FAIM2: variants seen among roughly 807,000 people sequenced by gnomAD.
FAIM2 encodes Fas apoptotic inhibitory molecule 2, also known as protein lifeguard 2.
Under a neutral mutation model 47.4 loss-of-function variants are expected in FAIM2, and 27 were observed. That is an observed-to-expected ratio of 0.57 (90% CI 0.42 to 0.78). FAIM2 has a LOEUF of 0.78. FAIM2 is among the 30% of genes least tolerant of loss of function. The pLI is 0.00. For synonymous variants in FAIM2, 156 were observed against 159.3 expected, an observed-to-expected ratio of 0.98 and a Z score of 0.16; for missense variants, 311 against 389.4, an observed-to-expected ratio of 0.80 and a Z score of 1.69.
chr12:49,889,398 C>T (rs759853593), intron 9 of FAIM2, 83 bp downstream of exon 9: 24 of 1,323,070 alleles, frequency 1.8e-5, no homozygotes, highest in East Asian at 2.3e-5. Context: ...GCCCCAGGTC[C>T]GAGCTCTGAG....
chr12:49,880,730 G>A (rs4417391), intron 11 of FAIM2, among the ~76,000 whole-genome samples: 76 of 106,514 alleles, frequency 7.1e-4, no homozygotes, highest in Admixed American at 9.6e-4. Context: ...GTATATGTGT[G>A]TGTGTATGTG....
rs913537112 is a variant in FAIM2, at chr12:49,901,167, C to T, written c.174G>A (p.Ala58=). The T allele has an allele frequency of 5.0e-6, 8 of 1,606,214 alleles. No individual in the cohort carries two copies. Among genetic ancestry groups the T allele is most frequent in the South Asian group, 4.4e-5 (4 of 89,956 alleles). Residue 58 remains alanine (A), a synonymous_variant, in exon 2 of 12, where the codon GCG becomes GCA. Transcript: ENST00000320634. The part of the protein sequence containing the change: ...KAGAFPPAPT[A]VPLHPSWAYV... ...AGGCCCAGCTAGGGTGGAGAGGCAC[C>T]GCTGTGGGGGCTGGGGGGAAGGCCC...
rs767983547 is a variant in FAIM2, at chr12:49,870,681, AG to A, written c.802-29del. The A allele has an allele frequency of 4.3e-6, 7 of 1,609,730 alleles. No homozygotes were observed. In the East Asian group the frequency reaches 1.6e-4, roughly 36 times the overall value. ...GGGAGAAGTGAGGAGAGAGAGAGAG[AG>A]GTCAGAGGCCCAGGCAGTGTGACAC... is the stretch of plus-strand genomic sequence containing the variant. On this transcript the variant is annotated intron_variant, in intron 11 of 11. Coordinates refer to ENST00000320634, the MANE Select transcript of FAIM2 (RefSeq NM_012306.4).
chr12:49,876,103 C>G (rs1213755352), intron 11 of FAIM2, among the ~76,000 whole-genome samples: 2 of 152,180 alleles, frequency 1.3e-5, no homozygotes, highest in Admixed American at 1.3e-4. Flanking sequence ...TAATACAGTG[C>G]TTAAGAACAT....
Position 49,903,836 on chromosome 12 carries a change from G to T in FAIM2, c.-44C>A. The T allele has an allele frequency of 6.6e-7, 1 of 1,517,724 alleles. No individual in the cohort carries two copies. The highest frequency in any genetic ancestry group is 8.8e-7 in the Non-Finnish European group (1 of 1,130,838). 94.0% of individuals were successfully genotyped at this position (1,517,724 alleles called of 1,614,324 possible). A position where few individuals can be genotyped will look rare whatever the true frequency, so the allele number is the denominator to read the frequency against. On this transcript the variant is annotated 5_prime_UTR_variant, in exon 1 of 12. Transcript: ENST00000320634. The stretch of plus-strand genomic sequence containing the variant: ...AGGGGTCCCTGAGGCCCGGGTGGCC[G>T]CTTGGGTAACCGCAGCCTGCCTGCG...
intron 11 of FAIM2, among the ~76,000 whole-genome samples, chr12:49,886,636 G>A (rs958796988): frequency 4.6e-5 from 7 of 152,024 alleles, no homozygotes; most frequent in East Asian, 1.9e-4. Flanking sequence ...CACCACACCC[G>A]GCTAATTTTT....
At chr12:49,901,047 G>T in intron 2 of FAIM2, 83 bp downstream of exon 2, 1 of 1,124,408 alleles carries the variant, frequency 8.9e-7, no homozygotes, top group Non-Finnish European at 1.2e-6. Flanking sequence ...CCTCTTTCTG[G>T]ACAACTTCCT....
chr12:49,868,443 C>T lies in FAIM2; in HGVS notation c.*2061G>A. ...AGAAATCTTGCCTCCCAGCTCTTGTCTGGAAGATAGAAACCTCAGAGTGCA... is the reference window on the plus strand; with the variant it reads ...AGAAATCTTGCCTCCCAGCTCTTGTTTGGAAGATAGAAACCTCAGAGTGCA... On this transcript the variant is annotated 3_prime_UTR_variant, in exon 12 of 12. Transcript: ENST00000320634. 1 of 152,218 alleles carries T rather than the reference C, an allele frequency of 6.6e-6. No homozygotes were observed. The highest frequency in any genetic ancestry group is 1.9e-4 in the East Asian group (1 of 5,204). 9.4% of individuals were successfully genotyped at this position (152,218 alleles called of 1,614,324 possible). A position where few individuals can be genotyped will look rare whatever the true frequency, so the allele number is the denominator to read the frequency against.
chr12:49,879,870 A>G (rs1321706922), intron 11 of FAIM2, among the ~76,000 whole-genome samples: 2 of 145,892 alleles, frequency 1.4e-5, no homozygotes, highest in Admixed American at 6.8e-5. Context: ...GTGTATATGT[A>G]CGTGTATGTG....
At position 49,870,560 on chromosome 12, in the gene FAIM2, C is replaced by T; in HGVS notation, c.895G>A (p.Asp299Asn). The change falls in exon 12 of 12, where the codon GAC (aspartate) becomes AAC (asparagine). Residue 299 changes from aspartate (D) to asparagine (N), a missense_variant. Transcript: ENST00000320634. ...AAGAAGGTGAAGATATAGATGATGT[C>T]TAGGTAAATGTTGAGGGCTCCAAAA... The part of the protein sequence containing the change: ...YIFGALNIYL[D>N]IIYIFTFFLQ... The T allele has an allele frequency of 1.2e-6, 2 of 1,613,948 alleles. No individual in the cohort carries two copies. The highest frequency in any genetic ancestry group is 1.7e-6 in the Non-Finnish European group (2 of 1,179,928).
intron 11 of FAIM2, among the ~76,000 whole-genome samples, chr12:49,876,178 G>C (rs1946735258): frequency 6.6e-6 from 1 of 152,188 alleles, no homozygotes; most frequent in South Asian, 2.1e-4. Flanking sequence ...CTTACCAACA[G>C]GTAAGAGTTA....
chr12:49,875,057 G>A (rs926112116), intron 11 of FAIM2, among the ~76,000 whole-genome samples: 4 of 152,256 alleles, frequency 2.6e-5, no homozygotes, highest in South Asian at 2.1e-4. Flanking sequence ...TTCCTGCTGG[G>A]GAAAGCAGTG....
rs1282645147 is a variant in FAIM2 at position 49,879,284 on chromosome 12, ATG to A, written c.801+8100_801+8101del. 2.9e-4 allele frequency among the ~76,000 whole-genome samples: 5 copies of A among 17,296 alleles called. 2 individuals carry two copies. The highest frequency in any genetic ancestry group is 4.9e-4 in the Non-Finnish European group (5 of 10,200). The allele number at this position is 17,296 out of a possible 152,430, so 11.3% of individuals were successfully genotyped here. A position where few individuals can be genotyped will look rare whatever the true frequency, so the allele number is the denominator to read the frequency against. On this transcript the variant is annotated intron_variant, in intron 11 of 11. Coordinates refer to ENST00000320634, the MANE Select transcript of FAIM2 (RefSeq NM_012306.4). ...TATGTGTGCATGTGTATATGTGTGT[ATG>A]TGTGTGGGTATGTGTATGCATGTGC...
chr12:49,888,505 T>C (rs1221978999), intron 10 of FAIM2, among the ~76,000 whole-genome samples: 1 of 152,134 alleles, frequency 6.6e-6, no homozygotes, highest in African/African-American at 2.4e-5. Flanking sequence ...GGCCTTCCTG[T>C]GATGACCCCA....
Position 49,889,519 on chromosome 12 carries a change from C to A in FAIM2, c.613G>T (p.Val205Phe). 1 of 1,614,108 alleles carries A rather than the reference C, an allele frequency of 6.2e-7. No homozygotes were observed. Among genetic ancestry groups the A allele is most frequent in the Non-Finnish European group, 8.5e-7 (1 of 1,180,002 alleles). ...VLLCLGITAL[V>F]CLSVTVFSFQ... ...CTGAAGACGGTGACTGAGAGGCAGA[C>A]AAGGGCCGTGATGCCCAGGCACAGC... Residue 205 changes from valine to phenylalanine, a missense_variant, in exon 9 of 12, where the codon GTC becomes TTC. Val to Phe is a conservative substitution (Grantham distance 50, BLOSUM62 -1). Transcript: ENST00000320634.
chr12:49,880,158 G>GTGTGT (rs1445438465), intron 11 of FAIM2, among the ~76,000 whole-genome samples: 4 of 148,054 alleles, frequency 2.7e-5, no homozygotes, highest in South Asian at 2.2e-4. Flanking sequence ...GTATGTGTGT[G>GTGTGT]CATGTGTGTA....
intron 11 of FAIM2, 114 bp downstream of exon 11, chr12:49,887,272 G>A (rs1221155816): frequency 1.1e-6 from 1 of 940,466 alleles, no homozygotes; most frequent in Middle Eastern, 2.2e-4. Flanking sequence ...CCTACCCGCA[G>A]GTGCTCCCGA....
chr12:49,891,381 G>A (rs1946899318), intron 5 of FAIM2, among the ~76,000 whole-genome samples: 1 of 152,178 alleles, frequency 6.6e-6, no homozygotes, highest in Non-Finnish European at 1.5e-5. Flanking sequence ...CCAATACAAA[G>A]TGGCCTCCCC....
intron 11 of FAIM2, among the ~76,000 whole-genome samples, chr12:49,870,867 C>T (rs1162269249): frequency 6.6e-6 from 1 of 152,232 alleles, no homozygotes; most frequent in South Asian, 2.1e-4. Flanking sequence ...CACAGGGATA[C>T]AGCAGAGAAC....
Sources: gnomAD v4.1 joint callset for allele counts (sites outside exome capture counted in the v4.1 genomes callset) on GRCh38, gnomAD v4.1.1 for gene constraint, MANE v1.5 for transcripts, NCBI Gene and HGNC (gene_info 2026-07-23, HGNC 2026-07-21) for gene names.